Variants in MYH6 observed in about 807,000 individuals in gnomAD.
MYH6 encodes the protein myosin heavy chain 6, also known as myosin-6.
MYH6 carries 126 observed loss-of-function variants against 223.2 expected under a neutral mutation model. The ratio of observed to expected loss-of-function variants is 0.56; its 90% CI spans 0.49 to 0.65. The LOEUF is 0.65. Among genes scored for constraint, MYH6 ranks in the 30% least tolerant of loss-of-function variants. The pLI is 0.00. For synonymous variants in MYH6, 978 were observed against 1,010.2 expected (o/e 0.97, Z 0.61); for missense variants, 2,040 against 2,536.4 (o/e 0.80, Z 4.20).
chr14:23,394,041 G>C, intron 21 of MYH6, 27 bp downstream of exon 21: 2 of 1,613,978 alleles, frequency 1.2e-6, no homozygotes, highest in Non-Finnish European at 1.7e-6. Flanking sequence ...GGAGGAGAGG[G>C]CTGAAGAGAT....
intron 19 of MYH6, 56 bp from the exon 20 acceptor site, chr14:23,396,476 T>G: frequency 1.2e-6 from 2 of 1,602,178 alleles, no homozygotes; most frequent in Non-Finnish European, 1.7e-6. Context: ...GTATCCAGGG[T>G]GGAAGACCCT....
At chr14:23,388,487 G>C (rs751007595) in intron 29 of MYH6, 149 bp from the exon 30 acceptor site, 38 of 1,312,040 alleles carry the variant, frequency 2.9e-5, no homozygotes, top group Non-Finnish European at 4.1e-5. Flanking sequence ...GCCTGGAACA[G>C]AGTCCGCCAG....
At position 23,396,283 on chromosome 14, in the gene MYH6, C is replaced by T; in HGVS notation, c.2429+1G>A. ...ATGCCTCCCTTTTCCTCCTGTCTCACCTGCGTTCCACTATCTTCTTGAACT... is the reference window on the plus strand; with the variant it reads ...ATGCCTCCCTTTTCCTCCTGTCTCATCTGCGTTCCACTATCTTCTTGAACT... On this transcript the variant is annotated splice_donor_variant, in intron 20 of 38. Transcript: ENST00000405093. LOFTEE classifies it high-confidence loss of function. 1 of 1,614,190 alleles carries T rather than the reference C, an allele frequency of 6.2e-7. No homozygotes were observed. The highest frequency in any genetic ancestry group is 8.5e-7 in the Non-Finnish European group (1 of 1,180,040).
chr14:23,401,325 G>A (rs1469379064), intron 12 of MYH6, among the ~76,000 whole-genome samples: 1 of 152,228 alleles, frequency 6.6e-6, no homozygotes, highest in Non-Finnish European at 1.5e-5. Flanking sequence ...CACTTTCAGG[G>A]AGTGAGCCTC....
chr14:23,382,337 A>T, intron 38 of MYH6, 91 bp downstream of exon 38: 1 of 1,579,274 alleles, frequency 6.3e-7, no homozygotes, highest in Non-Finnish European at 8.7e-7. Context: ...CTGCCTACAT[A>T]TAGGGCAAGC....
At chr14:23,395,432 G>A (rs955069848) in intron 20 of MYH6, among the ~76,000 whole-genome samples, 3 of 152,188 alleles carry the variant, frequency 2.0e-5, no homozygotes, top group Non-Finnish European at 2.9e-5. Flanking sequence ...TATGACCAAT[G>A]CTGCTAAAAG....
Position 23,383,334 on chromosome 14 carries a change from G to T in MYH6, c.5566-14C>A, listed in dbSNP as rs748283245. The T allele has an allele frequency of 1.6e-5, 8 of 495,966 alleles. No individual in the cohort carries two copies. Among genetic ancestry groups the T allele is most frequent in the East Asian group, 1.2e-4 (2 of 16,592 alleles). The allele number at this position is 495,966 out of a possible 1,614,324, so 30.7% of individuals were successfully genotyped here. Reference sequence around the variant, plus strand: ...GTCTTCCTCTGTCTGGGGGTGGGAGGGTGGGAGAAGCTGGTTTGGAGGGGG... The same window carrying T: ...GTCTTCCTCTGTCTGGGGGTGGGAGTGTGGGAGAAGCTGGTTTGGAGGGGG... On this transcript the variant is annotated splice_polypyrimidine_tract_variant and intron_variant, in intron 36 of 38. Transcript: ENST00000405093.
rs113775009 is a variant in MYH6, at chr14:23,384,440, A to T, written c.5565+2T>A. 4 of 1,609,998 alleles carry T rather than the reference A, an allele frequency of 2.5e-6. No individual in the cohort carries two copies. Among genetic ancestry groups the T allele is most frequent in the Non-Finnish European group, 3.4e-6 (4 of 1,180,022 alleles). On this transcript the variant is annotated splice_donor_variant, in intron 36 of 38. Transcript: ENST00000405093. LOFTEE classifies it high-confidence loss of function. ...ACTCCTGGTGTCTGGCGTCCGCCGC[A>T]CCTGGTAGGTGAGCTCCTTGATGCG...
intron 31 of MYH6, 51 bp from the exon 32 acceptor site, chr14:23,387,704 G>A (rs769073339): frequency 6.2e-7 from 1 of 1,614,058 alleles, no homozygotes; most frequent in Non-Finnish European, 8.5e-7. Flanking sequence ...CCCTGCCCCT[G>A]CATGGCCCTC....
intron 29 of MYH6, chr14:23,388,636 G>A: frequency 1.2e-6 from 1 of 868,792 alleles, no homozygotes; most frequent in Non-Finnish European, 2.0e-6. Flanking sequence ...GTGAGCATCA[G>A]GTATAACCCG....
In MYH6 at chr14:23,407,592, G is replaced by T; in HGVS notation, c.-30C>A. 8.5e-7 allele frequency: 1 copy of T among 1,178,588 alleles called. No homozygotes were observed. The highest frequency in any genetic ancestry group is 1.6e-5 in the African/African-American group (1 of 63,054). The allele number at this position is 1,178,588 out of a possible 1,614,324, so 73.0% of individuals were successfully genotyped here. On this transcript the variant is annotated 5_prime_UTR_variant, in exon 2 of 39. Coordinates refer to ENST00000405093, the MANE Select transcript of MYH6 (RefSeq NM_002471.4). The surrounding 1 kb of genome is among the most constrained non-coding windows in gnomAD (Gnocchi z 5.6). Reference sequence around the variant, plus strand: ...AGTTCTCACCTGGTTATCCCTTCACGGAGAATCCTGAAGAATCTGGACCGT... The same window carrying T: ...AGTTCTCACCTGGTTATCCCTTCACTGAGAATCCTGAAGAATCTGGACCGT...
chr14:23,404,533 A>C, intron 7 of MYH6, 145 bp from the exon 8 acceptor site: 1 of 1,130,416 alleles, frequency 8.8e-7, no homozygotes, highest in Non-Finnish European at 1.3e-6. Flanking sequence ...ACAGGATCCT[A>C]CCCAGACCTC....
chr14:23,402,498 C>A lies in MYH6; in HGVS notation c.1107G>T (p.Gln369His). ...CGTCTGGCTCCGCCTGCTCCTCCCG[C>A]TGCTTCTGCTTGAACTTCATGTTCC... ...HYGNMKFKQK[Q>H]REEQAEPDGT... Residue 369 changes from glutamine to histidine, a missense_variant, in exon 12 of 39, where the codon CAG becomes CAT. This residue lies in a region of MYH6 where 649 missense variants were observed against 877.3 expected (regional missense o/e 0.74). Coordinates refer to ENST00000405093, the MANE Select transcript of MYH6 (RefSeq NM_002471.4). 1 of 1,613,724 alleles carries A rather than the reference C, an allele frequency of 6.2e-7. No homozygotes were observed. The highest frequency in any genetic ancestry group is 8.5e-7 in the Non-Finnish European group (1 of 1,179,978).
intron 37 of MYH6, among the ~76,000 whole-genome samples, chr14:23,382,857 G>T (rs753956113): frequency 6.6e-5 from 10 of 152,160 alleles, no homozygotes; most frequent in Non-Finnish European, 7.4e-5. Flanking sequence ...TCCTGTGCAG[G>T]CATGCTAATC....
intron 10 of MYH6, 83 bp downstream of exon 10, chr14:23,403,265 C>A: frequency 8.7e-7 from 1 of 1,154,784 alleles, no homozygotes; most frequent in Non-Finnish European, 1.3e-6. Context: ...CAGTGGGGAG[C>A]AGGAGGGCCC....
chr14:23,400,873 GC>G lies in MYH6; in HGVS notation c.1245del (p.Gln416ArgfsTer26). 1.2e-6 allele frequency: 2 copies of G among 1,614,206 alleles called. No individual in the cohort carries two copies. The highest frequency in any genetic ancestry group is 1.7e-6 in the Non-Finnish European group (2 of 1,180,036). On this transcript the variant is annotated frameshift_variant, in exon 13 of 39. Transcript: ENST00000405093. LOFTEE classifies it high-confidence loss of function. Reference protein sequence around the residue: ...VKVGNEYVTKGQSVQQVYYSI... With the variant: ...VKVGNEYVTKXQSVQQVYYSI... ...GAGTAGTACACCTGCTGCACGCTCT[GC>G]CCCTTGGTGACATACTCGTTGCCCA...
chr14:23,394,708 C>T (rs1478209866), intron 20 of MYH6, among the ~76,000 whole-genome samples: 1 of 152,108 alleles, frequency 6.6e-6, no homozygotes, highest in Non-Finnish European at 1.5e-5. Context: ...ACCACTGAAA[C>T]AGGAGCTGAA....
rs565766527 is a variant in MYH6, at chr14:23,388,424, A to G, written c.4176-86T>C. On this transcript the variant is annotated intron_variant, in intron 29 of 38. Transcript: ENST00000405093. ...GTGGACCTCCTTCCACCCCCTCCCT[A>G]TATCTCCTTGAGACACCGTAAGTCC... 22 of 1,573,326 alleles carry G rather than the reference A, an allele frequency of 1.4e-5. No individual in the cohort carries two copies. The South Asian group carries it at 1.6e-4, about 11-fold the overall frequency.
At chr14:23,392,691 C>T in intron 24 of MYH6, 39 bp from the exon 25 acceptor site, 2 of 1,496,934 alleles carry the variant, frequency 1.3e-6, no homozygotes, top group Non-Finnish European at 1.9e-6. Context: ...TGACAGGTAG[C>T]CTTCCTTCCT....
Sources: allele counts gnomAD v4.1 joint callset (sites outside exome capture counted in the v4.1 genomes callset), GRCh38; gene constraint gnomAD v4.1.1; regional missense constraint gnomAD v4.1.1; non-coding constraint Gnocchi (gnomAD v3.1); transcripts MANE v1.5; gene names NCBI Gene and HGNC (gene_info 2026-07-23, HGNC 2026-07-21).